Variants in PCSK2 observed in about 807,000 individuals in gnomAD.
PCSK2 encodes neuroendocrine convertase 2.
PCSK2 carries 14 observed loss-of-function variants against 69.7 expected under a neutral mutation model. That is an observed-to-expected ratio of 0.20 (90% CI 0.13 to 0.31). The LOEUF (loss-of-function observed/expected upper bound fraction) is 0.31. Among genes scored for constraint, PCSK2 ranks in the 10% least tolerant of loss-of-function variants. PCSK2 has a pLI of 1.00. For missense variants in PCSK2, 544 were observed against 842.5 expected (o/e 0.65, Z 4.39); for synonymous variants, 307 against 320.7 (o/e 0.96, Z 0.46).
intron 1 of PCSK2, among the ~76,000 whole-genome samples, chr20:17,238,751 T>C (rs1986438175): frequency 6.6e-6 from 1 of 152,200 alleles, no homozygotes; most frequent in Non-Finnish European, 1.5e-5. Context: ...ATTTTACCCG[T>C]AGAATTTTTA....
intron 2 of PCSK2, among the ~76,000 whole-genome samples, chr20:17,326,589 C>T (rs1192259804): frequency 6.6e-6 from 1 of 152,202 alleles, no homozygotes; most frequent in Non-Finnish European, 1.5e-5. Flanking sequence ...CGACTCTGTG[C>T]TTTCAACATT....
chr20:17,256,684 T>C (rs1483769965), intron 1 of PCSK2, among the ~76,000 whole-genome samples: 1 of 152,086 alleles, frequency 6.6e-6, no homozygotes. Flanking sequence ...GGAGGTTTCT[T>C]ACATAGGTAT....
intron 2 of PCSK2, among the ~76,000 whole-genome samples, chr20:17,269,271 G>A (rs1987765785): frequency 6.6e-6 from 1 of 152,118 alleles, no homozygotes; most frequent in Non-Finnish European, 1.5e-5. Context: ...TACGAAATGA[G>A]TGTAGATATA....
intron 2 of PCSK2, among the ~76,000 whole-genome samples, chr20:17,323,808 G>A (rs1175392309): frequency 6.6e-6 from 1 of 152,174 alleles, no homozygotes; most frequent in Non-Finnish European, 1.5e-5. Flanking sequence ...TTTTATCCAG[G>A]TGAGCTGACA....
chr20:17,284,907 T>C (rs866034539), intron 2 of PCSK2, among the ~76,000 whole-genome samples: 22 of 152,356 alleles, frequency 1.4e-4, no homozygotes, highest in African/African-American at 4.6e-4. Flanking sequence ...CTGATTTCAT[T>C]ACTCTGTGGG....
At chr20:17,419,866 C>T (rs374752909) in intron 6 of PCSK2, among the ~76,000 whole-genome samples, 1 of 152,112 alleles carries the variant, frequency 6.6e-6, no homozygotes, top group Admixed American at 6.5e-5. Flanking sequence ...CTGCCATTGA[C>T]GATATTTATG....
At chr20:17,256,249 T>C (rs1018295708) in intron 1 of PCSK2, among the ~76,000 whole-genome samples, 1 of 152,118 alleles carries the variant, frequency 6.6e-6, no homozygotes, top group East Asian at 1.9e-4. Context: ...TATTCTTTAT[T>C]TGATGATTCA....
In PCSK2 at chr20:17,263,174, T is replaced by C. The variant is rs1987458712; in HGVS notation, c.282+2830T>C. On this transcript the variant is annotated intron_variant, in intron 2 of 11. Transcript: ENST00000262545. Reference sequence around the variant, plus strand: ...AACCCAAGGTACTTTTTGGCTTTTTTTGACTTCAGACCAGAAATTTCAATG... The same window carrying C: ...AACCCAAGGTACTTTTTGGCTTTTTCTGACTTCAGACCAGAAATTTCAATG... 4 of 977,702 alleles carry C rather than the reference T, an allele frequency of 4.1e-6. No homozygotes were observed. In the Admixed American group the frequency reaches 1.8e-4, roughly 45 times the overall value. The allele number at this position is 977,702 out of a possible 1,614,324, so 60.6% of individuals were successfully genotyped here. A position where few individuals can be genotyped will look rare whatever the true frequency, so the allele number is the denominator to read the frequency against.
chr20:17,261,926 A>G (rs1987402727), intron 2 of PCSK2, among the ~76,000 whole-genome samples: 1 of 152,228 alleles, frequency 6.6e-6, no homozygotes, highest in Non-Finnish European at 1.5e-5. Context: ...TCAGAAACAT[A>G]TAAACTGGGG....
At chr20:17,355,489 G>T (rs1051419244) in intron 2 of PCSK2, among the ~76,000 whole-genome samples, 1 of 152,300 alleles carries the variant, frequency 6.6e-6, no homozygotes, top group Admixed American at 6.5e-5. Flanking sequence ...TGGCCAAAGT[G>T]AGACACCTTC....
intron 5 of PCSK2, among the ~76,000 whole-genome samples, chr20:17,386,454 C>T (rs1319037251): frequency 6.6e-6 from 1 of 152,036 alleles, no homozygotes; most frequent in Non-Finnish European, 1.5e-5. Flanking sequence ...ATTATTTATT[C>T]AGAATTTCAG....
rs538901356 is a variant in PCSK2 at position 17,409,028 on chromosome 20, C to G, written c.544-235C>G. Among the ~76,000 whole-genome samples the G allele has an allele frequency of 3.6e-4, 55 of 152,266 alleles. No individual in the cohort carries two copies. The South Asian group carries it at 4.6e-3, about 13-fold the overall frequency. ...AGAACACAGGGCTTACATTTGCTAA[C>G]CCCTTGAAGGCTTGAAATAGGATGA... On this transcript the variant is annotated intron_variant, in intron 5 of 11. Coordinates refer to ENST00000262545, the MANE Select transcript of PCSK2 (RefSeq NM_002594.5).
Position 17,227,415 on chromosome 20 carries a change from A to G in PCSK2, c.110A>G (p.Glu37Gly). 6.2e-7 allele frequency: 1 copy of G among 1,613,774 alleles called. No homozygotes were observed. The highest frequency in any genetic ancestry group is 8.5e-7 in the Non-Finnish European group (1 of 1,179,910). Residue 37 changes from glutamate to glycine, a missense_variant, in exon 1 of 12, where the codon GAG becomes GGG. By Grantham distance (98) the Glu-to-Gly change is moderately conservative. Transcript: ENST00000262545. ...GTCTTCACGAATCATTTTCTTGTGG[A>G]GTTGCATAAAGGGGGAGAGGACAAA... ...RPVFTNHFLV[E>G]LHKGGEDKAR...
intron 1 of PCSK2, among the ~76,000 whole-genome samples, chr20:17,242,347 A>G (rs1449762119): frequency 6.6e-6 from 1 of 152,212 alleles, no homozygotes; most frequent in African/African-American, 2.4e-5. Context: ...CTAATTACAG[A>G]AGAACATTCA....
chr20:17,293,335 T>C (rs1475168682), intron 2 of PCSK2, among the ~76,000 whole-genome samples: 1 of 152,234 alleles, frequency 6.6e-6, no homozygotes, highest in Non-Finnish European at 1.5e-5. Flanking sequence ...ACATTTTTCT[T>C]GCTGTTGTTT....
intron 8 of PCSK2, among the ~76,000 whole-genome samples, chr20:17,445,460 G>A (rs538716939): frequency 4.6e-5 from 7 of 152,224 alleles, no homozygotes; most frequent in Non-Finnish European, 1.0e-4. Flanking sequence ...ATGAGACAGC[G>A]CATTGATTGT....
intron 2 of PCSK2, among the ~76,000 whole-genome samples, chr20:17,324,785 G>T (rs992185101): frequency 6.6e-6 from 1 of 152,192 alleles, no homozygotes; most frequent in Non-Finnish European, 1.5e-5. Context: ...ACAGTGCATG[G>T]AGAAAGGTCT....
chr20:17,394,644 A>T (rs1329392811), intron 5 of PCSK2, among the ~76,000 whole-genome samples: 1 of 152,214 alleles, frequency 6.6e-6, no homozygotes, highest in Non-Finnish European at 1.5e-5. Context: ...TGTCATCTCC[A>T]AAAGGTCTAG....
chr20:17,389,872 T>C (rs1456638205), intron 5 of PCSK2, among the ~76,000 whole-genome samples: 2 of 152,218 alleles, frequency 1.3e-5, no homozygotes, highest in African/African-American at 4.8e-5. Flanking sequence ...TCTTGTAATG[T>C]TAAACACACA....
Sources: allele counts gnomAD v4.1 joint callset (sites outside exome capture counted in the v4.1 genomes callset), GRCh38; gene constraint gnomAD v4.1.1; transcripts MANE v1.5; gene names NCBI Gene and HGNC (gene_info 2026-07-23, HGNC 2026-07-21).